Variants in SOX5 observed in about 807,000 individuals in gnomAD.
SOX5 encodes transcription factor SOX-5.
SOX5 carries 9 observed loss-of-function variants against 92.0 expected under a neutral mutation model. The ratio of observed to expected loss-of-function variants is 0.10; its 90% CI spans 0.06 to 0.17. SOX5 has a LOEUF of 0.17. SOX5 is among the 10% of genes least tolerant of loss of function. The probability of loss-of-function intolerance (pLI) is 1.00; values close to 1 mark genes in which losing one functional copy is unlikely to be tolerated. For missense variants in SOX5, 642 were observed against 944.5 expected (o/e 0.68, Z 4.20); for synonymous variants, 344 against 336.3 (o/e 1.02, Z -0.25).
chr12:24,318,451 G>A (rs1213134535), intron 2 of SOX5, among the ~76,000 whole-genome samples: 1 of 152,140 alleles, frequency 6.6e-6, no homozygotes, highest in Non-Finnish European at 1.5e-5. Flanking sequence ...ACATAGATGA[G>A]CCTGTGTTCT....
At chr12:23,546,688 G>C (rs11046970) in intron 11 of SOX5, among the ~76,000 whole-genome samples, 3,891 of 152,200 alleles carry the variant, frequency 0.026, 79 homozygotes, top group Non-Finnish European at 0.043. Flanking sequence ...GGGATCCTTG[G>C]AGACAACCTT....
intron 4 of SOX5, among the ~76,000 whole-genome samples, chr12:24,095,142 G>GACAGAGAC (rs1555507661): frequency 1.3e-5 from 2 of 148,384 alleles, no homozygotes; most frequent in Non-Finnish European, 3.0e-5. Flanking sequence ...GAGAGAGAGA[G>GACAGAGAC]AGAGAGAGAG....
intron 8 of SOX5, among the ~76,000 whole-genome samples, chr12:23,637,318 C>A (rs555477314): frequency 1.3e-5 from 2 of 152,176 alleles, no homozygotes; most frequent in East Asian, 1.9e-4. Context: ...AAAACATACA[C>A]GAACAGATTA....
chr12:24,091,518 C>T (rs182296167), intron 4 of SOX5, among the ~76,000 whole-genome samples: 30 of 149,312 alleles, frequency 2.0e-4, no homozygotes, highest in African/African-American at 6.7e-4. Context: ...CAACCTCTAC[C>T]TCCCAGGTTC....
intron 4 of SOX5, among the ~76,000 whole-genome samples, chr12:24,184,553 T>C (rs1170325357): frequency 6.6e-6 from 1 of 152,108 alleles, no homozygotes; most frequent in African/African-American, 2.4e-5. Flanking sequence ...GATTTTGAGG[T>C]GTGTTAATTA....
chr12:24,560,235 A>G (rs1954199765), intron 1 of SOX5, among the ~76,000 whole-genome samples: 1 of 152,184 alleles, frequency 6.6e-6, no homozygotes, highest in African/African-American at 2.4e-5. Context: ...AACACAAATA[A>G]CTAAATAATT....
chr12:24,244,977 A>G (rs1366750837), intron 3 of SOX5, among the ~76,000 whole-genome samples: 1 of 152,082 alleles, frequency 6.6e-6, no homozygotes. Context: ...GAGTCACTGC[A>G]CCTGGCCAGT....
intron 1 of SOX5, among the ~76,000 whole-genome samples, chr12:24,491,465 CA>C (rs370086059): frequency 1.6e-3 from 222 of 140,606 alleles, no homozygotes; most frequent in Middle Eastern, 0.015. Context: ...AGTGTTTGGT[CA>C]AAAAAAAAAA....
chr12:24,288,594 G>A (rs1044051415), intron 2 of SOX5, among the ~76,000 whole-genome samples: 9 of 152,144 alleles, frequency 5.9e-5, no homozygotes, highest in Non-Finnish European at 1.2e-4. Context: ...TTGCTTATAA[G>A]AGTGTTAAAA....
chr12:23,746,004 C>G (rs1158806867), intron 4 of SOX5, among the ~76,000 whole-genome samples: 2 of 152,112 alleles, frequency 1.3e-5, no homozygotes, highest in East Asian at 3.9e-4. Context: ...TTAAACCATT[C>G]TCAAGTTTAA....
chr12:23,922,241 AAAAG>A (rs891725371), intron 1 of SOX5, among the ~76,000 whole-genome samples: 13 of 152,192 alleles, frequency 8.5e-5, no homozygotes, highest in African/African-American at 2.2e-4. Context: ...AGTCTTGATA[AAAAG>A]AAAGAAAGAA....
rs1296173462 is a variant in SOX5, at chr12:24,368,092, T to C, written c.-174+471A>G. On this transcript the variant is annotated intron_variant, in intron 2 of 4. Coordinates refer to the SOX5 transcript ENST00000446891. ...AGGAAAGATACATTTTATCCCAATA[T>C]AGACTTTGCTCAATTGGAGGAACTG... 5 of 152,196 alleles carry C rather than the reference T, an allele frequency of 3.3e-5. No homozygotes were observed. In the East Asian group the frequency reaches 7.7e-4, roughly 23 times the overall value. 9.4% of individuals were successfully genotyped at this position (152,196 alleles called of 1,614,324 possible). A position where few individuals can be genotyped will look rare whatever the true frequency, so the allele number is the denominator to read the frequency against.
chr12:23,660,587 G>A (rs2082905153), intron 7 of SOX5, among the ~76,000 whole-genome samples: 1 of 152,002 alleles, frequency 6.6e-6, no homozygotes, highest in Non-Finnish European at 1.5e-5. Context: ...GTATAAACAA[G>A]TAATTGATTA....
At position 24,189,679 on chromosome 12, in the gene SOX5, C is replaced by G. The variant is rs754394544; in HGVS notation, c.-2+23664G>C. On this transcript the variant is annotated intron_variant, in intron 4 of 4. Transcript: ENST00000446891. ...GCTGTTGTTTTTTAGTTTGTCGATTCTAGTTCTTACCCTCAGATCCCTCAT... is the reference window on the plus strand; with the variant it reads ...GCTGTTGTTTTTTAGTTTGTCGATTGTAGTTCTTACCCTCAGATCCCTCAT... Among the ~76,000 whole-genome samples, 16 of 152,146 alleles carry G rather than the reference C, an allele frequency of 1.1e-4. 1 individual carries two copies. The highest frequency in any genetic ancestry group is 1.9e-4 in the Non-Finnish European group (13 of 68,018).
chr12:24,215,004 C>T (rs1412876492), intron 3 of SOX5, among the ~76,000 whole-genome samples: 3 of 152,010 alleles, frequency 2.0e-5, no homozygotes, highest in Admixed American at 6.5e-5. Flanking sequence ...AGGGAAAAAT[C>T]ATACAATATC....
chr12:24,069,105 G>C (rs1167412266), intron 4 of SOX5, among the ~76,000 whole-genome samples: 1 of 145,036 alleles, frequency 6.9e-6, no homozygotes, highest in East Asian at 1.9e-4. Flanking sequence ...TCCAGACTTA[G>C]GGCCTTAAAA....
chr12:23,849,188 A>G (rs2096604912), intron 2 of SOX5, among the ~76,000 whole-genome samples: 1 of 152,196 alleles, frequency 6.6e-6, no homozygotes, highest in South Asian at 2.1e-4. Flanking sequence ...TTATTATTCA[A>G]GTGACATTTC....
At position 24,378,391 on chromosome 12, in the gene SOX5, G is replaced by GA. The variant is rs1788938650; in HGVS notation, c.-250-9753dup. On this transcript the variant is annotated intron_variant, in intron 1 of 4. Coordinates refer to the SOX5 transcript ENST00000446891. ...CATTATTAACTCGGTTCTGATTATAGAAAAACATACATAATTTGCAATTCA... is the reference window on the plus strand; with the variant it reads ...CATTATTAACTCGGTTCTGATTATAGAAAAAACATACATAATTTGCAATTCA... Among the ~76,000 whole-genome samples the GA allele has an allele frequency of 2.0e-5, 3 of 152,054 alleles. No individual in the cohort carries two copies. In the South Asian group the frequency reaches 6.2e-4, roughly 32 times the overall value.
intron 4 of SOX5, among the ~76,000 whole-genome samples, chr12:24,199,347 C>A (rs1957306955): frequency 6.6e-6 from 1 of 152,206 alleles, no homozygotes; most frequent in African/African-American, 2.4e-5. Flanking sequence ...CAAAATGTCG[C>A]AGTAATTACT....
Sources: gnomAD v4.1 joint callset for allele counts (sites outside exome capture counted in the v4.1 genomes callset) on GRCh38, gnomAD v4.1.1 for gene constraint, MANE v1.5 for transcripts, NCBI Gene and HGNC (gene_info 2026-07-23, HGNC 2026-07-21) for gene names.